SNX24: variants seen among roughly 807,000 people sequenced by gnomAD.
SNX24 encodes the protein sorting nexin-24.
A neutral mutation model predicts 28.7 loss-of-function variants in SNX24; 22 were observed. The observed-to-expected ratio is 0.77, with a 90% CI of 0.55 to 1.10. SNX24 has a LOEUF of 1.10. Among genes scored for constraint, SNX24 ranks in the 50% least tolerant of loss-of-function variants. The pLI is 0.00. For missense variants in SNX24, 221 were observed against 201.1 expected, an observed-to-expected ratio of 1.10 and a Z score of -0.60; for synonymous variants, 69 against 71.5, an observed-to-expected ratio of 0.96 and a Z score of 0.18.
chr5:122,980,550 C>G (rs773732651), intron 3 of SNX24, among the ~76,000 whole-genome samples: 1 of 151,764 alleles, frequency 6.6e-6, no homozygotes, highest in African/African-American at 2.4e-5. Flanking sequence ...TATTTTTGAC[C>G]TTCTCTTCTT....
chr5:123,029,051 T>C (rs1392331486), intron 5 of SNX24: 3 of 809,490 alleles, frequency 3.7e-6, no homozygotes, highest in East Asian at 5.4e-5. Context: ...AAATATGTTA[T>C]GGAAGTAGAG....
intron 1 of SNX24, among the ~76,000 whole-genome samples, chr5:122,898,104 T>A (rs181129354): frequency 7.2e-5 from 11 of 152,328 alleles, no homozygotes; most frequent in African/African-American, 2.4e-4. Flanking sequence ...AATTGTGATC[T>A]GTTGTCTGAA....
chr5:122,996,526 G>A (rs1468130354), intron 3 of SNX24, among the ~76,000 whole-genome samples: 2 of 152,264 alleles, frequency 1.3e-5, no homozygotes, highest in African/African-American at 2.4e-5. Context: ...CTGTTTGCTC[G>A]ATGAACAATT....
intron 1 of SNX24, among the ~76,000 whole-genome samples, chr5:122,876,483 G>A (rs1334098111): frequency 6.6e-6 from 1 of 152,174 alleles, no homozygotes; most frequent in Admixed American, 6.5e-5. Flanking sequence ...AACCTCTTGT[G>A]ATCTTACTCT....
intron 1 of SNX24, among the ~76,000 whole-genome samples, chr5:122,915,785 T>A (rs1758134086): frequency 1.3e-5 from 2 of 152,238 alleles, no homozygotes; most frequent in African/African-American, 4.8e-5. Flanking sequence ...CCTTAGCTGC[T>A]CCAGAGCCCT....
intron 1 of SNX24, among the ~76,000 whole-genome samples, chr5:122,916,951 CT>C (rs1341467676): frequency 6.6e-6 from 1 of 152,108 alleles, no homozygotes; most frequent in Non-Finnish European, 1.5e-5. Flanking sequence ...CACTACATTC[CT>C]TCTACTCATT....
At chr5:122,972,090 T>G (rs960910749) in intron 3 of SNX24, among the ~76,000 whole-genome samples, 4 of 152,228 alleles carry the variant, frequency 2.6e-5, no homozygotes, top group African/African-American at 9.6e-5. Context: ...CTTGATAGTC[T>G]TGGTCAGTCA....
At chr5:122,992,323 C>G (rs1235890101) in intron 3 of SNX24, among the ~76,000 whole-genome samples, 1 of 152,066 alleles carries the variant, frequency 6.6e-6, no homozygotes, top group Non-Finnish European at 1.5e-5. Flanking sequence ...GTGAGATACC[C>G]CATCTACCAC....
chr5:122,889,945 C>G (rs1452764802), intron 1 of SNX24, among the ~76,000 whole-genome samples: 1 of 150,692 alleles, frequency 6.6e-6, no homozygotes, highest in Non-Finnish European at 1.5e-5. Context: ...GTACAAGATC[C>G]AAATAGTACA....
intron 3 of SNX24, among the ~76,000 whole-genome samples, chr5:122,961,924 A>T (rs190924707): frequency 6.6e-6 from 1 of 152,356 alleles, no homozygotes; most frequent in Admixed American, 6.5e-5. Context: ...ACAAAATATG[A>T]AAATGAAAAA....
intron 6 of SNX24, among the ~76,000 whole-genome samples, chr5:123,004,500 C>A (rs1762354968): frequency 6.6e-6 from 1 of 152,190 alleles, no homozygotes. Context: ...CTGTCATAGA[C>A]CCTCTCCTCT....
In SNX24 at chr5:123,001,260, T is replaced by C. The variant is rs191768972; in HGVS notation, c.345-145T>C. 8.4e-5 allele frequency: 55 copies of C among 658,202 alleles called. No homozygotes were observed. The East Asian group carries it at 1.5e-3, about 18-fold the overall frequency. 40.8% of individuals were successfully genotyped at this position (658,202 alleles called of 1,614,324 possible). ...CTTAGAATGGGGCATAGCCATGCTG[T>C]GGCTCAGTGGAAACTCACAGCTCTT... On this transcript the variant is annotated intron_variant, in intron 4 of 6. Coordinates refer to ENST00000261369, the MANE Select transcript of SNX24 (RefSeq NM_014035.4).
intron 1 of SNX24, among the ~76,000 whole-genome samples, chr5:122,918,073 C>CCT (rs1274256922): frequency 5.3e-5 from 8 of 152,028 alleles, no homozygotes; most frequent in Admixed American, 1.3e-4. Context: ...GAGCGAGACT[C>CCT]CATCTCAAAA....
At chr5:122,997,900 A>C (rs144454904) in intron 3 of SNX24, among the ~76,000 whole-genome samples, 1 of 152,182 alleles carries the variant, frequency 6.6e-6, no homozygotes, top group Non-Finnish European at 1.5e-5. Context: ...TATTATTCAA[A>C]TAAGTATTGT....
At chr5:122,923,270 TCAAGGCTGCCATGAGGTATGATTACACCA>T in intron 1 of SNX24, among the ~76,000 whole-genome samples, 1 of 151,320 alleles carries the variant, frequency 6.6e-6, no homozygotes, top group South Asian at 2.1e-4. Flanking sequence ...GCCCAGGAGC[TCAAGGCTGCCATGAGGTATGATTACACCA>T]CTGCACTGCA....
chr5:123,013,887 G>A (rs144670677), downstream of SNX24, among the ~76,000 whole-genome samples: 1 of 152,166 alleles, frequency 6.6e-6, no homozygotes, highest in African/African-American at 2.4e-5. Flanking sequence ...GTAGTTTTTA[G>A]TGCCCCATTT....
At chr5:122,932,059 A>G (rs138527730) in intron 1 of SNX24, among the ~76,000 whole-genome samples, 1 of 152,324 alleles carries the variant, frequency 6.6e-6, no homozygotes, top group East Asian at 1.9e-4. Flanking sequence ...AAAGAAAAAA[A>G]GTTGGCTCTG....
chr5:122,983,180 G>A (rs1043686926), intron 3 of SNX24: 5 of 135,122 alleles, frequency 3.7e-5, no homozygotes, highest in Admixed American at 3.2e-4. Flanking sequence ...ATATTCTCAA[G>A]TGAGATTTTT....
downstream of SNX24, among the ~76,000 whole-genome samples, chr5:123,012,878 A>G (rs1236777163): frequency 6.6e-6 from 1 of 152,220 alleles, no homozygotes; most frequent in Non-Finnish European, 1.5e-5. Context: ...TTCTGAATCA[A>G]TAAATCTGGC....
Sources: allele counts gnomAD v4.1 joint callset (sites outside exome capture counted in the v4.1 genomes callset), GRCh38; gene constraint gnomAD v4.1.1; transcripts MANE v1.5; gene names NCBI Gene and HGNC (gene_info 2026-07-23, HGNC 2026-07-21).